PDE11A: variants seen among roughly 807,000 people sequenced by gnomAD.
PDE11A encodes the protein phosphodiesterase 11A.
PDE11A carries 100 observed loss-of-function variants against 100.5 expected under a neutral mutation model. The ratio of observed to expected loss-of-function variants is 1.00; its 90% confidence interval spans 0.85 to 1.18. The LOEUF (loss-of-function observed/expected upper bound fraction) is 1.18, where lower values mean the gene tolerates loss of function less well. PDE11A is among the 50% of genes most tolerant of loss of function. PDE11A has a pLI of 0.00. For missense variants in PDE11A, 1,141 were observed against 1,152.6 expected (o/e 0.99, Z 0.15); for synonymous variants, 381 against 420.8 (o/e 0.91, Z 1.16).
intron 9 of PDE11A, among the ~76,000 whole-genome samples, chr2:177,788,701 G>A (rs1214899338): frequency 3.3e-5 from 5 of 152,082 alleles, no homozygotes; most frequent in Non-Finnish European, 7.4e-5. Flanking sequence ...AAATGATAAA[G>A]GGGATATCAC....
chr2:177,857,768 C>T (rs1180167768), intron 5 of PDE11A, among the ~76,000 whole-genome samples: 6 of 151,880 alleles, frequency 4.0e-5, no homozygotes, highest in Admixed American at 3.9e-4. Context: ...TAACATGATC[C>T]AATTTTACAC....
At chr2:177,675,388 A>G in intron 17 of PDE11A, 67 bp downstream of exon 17, 1 of 1,098,772 alleles carries the variant, frequency 9.1e-7, no homozygotes, top group Non-Finnish European at 1.4e-6. Context: ...GGGCTCTGGG[A>G]ATATTGTGTC....
At chr2:178,057,592 T>C in intron 1 of PDE11A, among the ~76,000 whole-genome samples, 1 of 152,206 alleles carries the variant, frequency 6.6e-6, no homozygotes, top group Admixed American at 6.5e-5. Flanking sequence ...ATACATTTTC[T>C]TTGCTCCAAC....
At chr2:177,721,038 T>G (rs755651694) in intron 12 of PDE11A, among the ~76,000 whole-genome samples, 1 of 152,168 alleles carries the variant, frequency 6.6e-6, no homozygotes, top group Admixed American at 6.6e-5. Context: ...TGCATACATT[T>G]AAAAATTGGA....
chr2:177,754,879 G>A (rs1335259083), intron 10 of PDE11A, among the ~76,000 whole-genome samples: 1 of 152,172 alleles, frequency 6.6e-6, no homozygotes, highest in East Asian at 1.9e-4. Context: ...TTCTAATGAG[G>A]CCAGGAAGTA....
chr2:177,992,999 T>A (rs767267584), intron 2 of PDE11A, among the ~76,000 whole-genome samples: 30 of 152,176 alleles, frequency 2.0e-4, no homozygotes, highest in Non-Finnish European at 3.8e-4. Context: ...CACTCCACTA[T>A]CTGTGAGAAG....
intron 12 of PDE11A, among the ~76,000 whole-genome samples, chr2:177,722,776 G>C (rs2081549177): frequency 6.6e-6 from 1 of 152,100 alleles, no homozygotes; most frequent in Non-Finnish European, 1.5e-5. Context: ...GAAGATTAAA[G>C]AGTTGGTTAT....
At chr2:177,698,347 T>C (rs1227105915) in intron 14 of PDE11A, 1 of 66,674 alleles carries the variant, frequency 1.5e-5, no homozygotes, top group Non-Finnish European at 5.2e-5. Flanking sequence ...ATATTTGTCT[T>C]TAGTAAAGTG....
intron 2 of PDE11A, among the ~76,000 whole-genome samples, chr2:178,009,163 G>A (rs111951930): frequency 6.6e-4 from 100 of 152,152 alleles, no homozygotes; most frequent in African/African-American, 2.1e-3. Flanking sequence ...TGCTCCTATC[G>A]AGGTCTCATT....
At chr2:178,075,551 C>G (rs1214039802), upstream of PDE11A, among the ~76,000 whole-genome samples, 3 of 47,854 alleles carry the variant, frequency 6.3e-5, no homozygotes, top group Admixed American at 7.0e-4. Flanking sequence ...GACTCTGTCT[C>G]AAAAAAAAAA....
At chr2:177,727,628 T>C (rs1430890817) in intron 12 of PDE11A, 30 bp downstream of exon 12, 2 of 1,240,536 alleles carry the variant, frequency 1.6e-6, no homozygotes, top group Non-Finnish European at 2.4e-6. Flanking sequence ...GAATGAGAAA[T>C]GATCTTCCAC....
At chr2:177,957,892 C>T (rs2105787398) in intron 2 of PDE11A, among the ~76,000 whole-genome samples, 1 of 128,098 alleles carries the variant, frequency 7.8e-6, no homozygotes, top group South Asian at 2.5e-4. Context: ...CTATCCTTTA[C>T]CTTTGTTTTT....
At chr2:178,102,573 C>T (rs1408627261) in intron 2 of PDE11A, among the ~76,000 whole-genome samples, 1 of 151,324 alleles carries the variant, frequency 6.6e-6, no homozygotes, top group Non-Finnish European at 1.5e-5. Context: ...CATGCCCAGC[C>T]ATCAGCTAAT....
At chr2:177,934,330 A>G (rs1195211129) in intron 2 of PDE11A, among the ~76,000 whole-genome samples, 2 of 152,178 alleles carry the variant, frequency 1.3e-5, no homozygotes, top group African/African-American at 4.8e-5. Context: ...CAAAAGACAC[A>G]AACAGACACT....
At chr2:177,705,755 G>C (rs1333308051) in intron 13 of PDE11A, among the ~76,000 whole-genome samples, 2 of 152,234 alleles carry the variant, frequency 1.3e-5, no homozygotes, top group African/African-American at 4.8e-5. Context: ...TTGGGAGATG[G>C]TGAGGAATGG....
chr2:177,996,872 T>C (rs2086082334), intron 2 of PDE11A, among the ~76,000 whole-genome samples: 1 of 152,230 alleles, frequency 6.6e-6, no homozygotes, highest in South Asian at 2.1e-4. Flanking sequence ...TGAATTTCAC[T>C]ACATTTTAGA....
At chr2:177,894,017 T>C (rs2084571798) in intron 4 of PDE11A, among the ~76,000 whole-genome samples, 1 of 152,186 alleles carries the variant, frequency 6.6e-6, no homozygotes, top group South Asian at 2.1e-4. Context: ...TCTAACTCTT[T>C]GGCAGATGAC....
At chr2:178,043,495 C>A (rs1161376239) in intron 1 of PDE11A, among the ~76,000 whole-genome samples, 1 of 152,152 alleles carries the variant, frequency 6.6e-6, no homozygotes, top group African/African-American at 2.4e-5. Flanking sequence ...AGCCAGTAGA[C>A]AAGCGGAGAC....
At chr2:177,756,992 C>A (rs10497487) in intron 10 of PDE11A, among the ~76,000 whole-genome samples, 2,386 of 152,304 alleles carry the variant, frequency 0.016, 63 homozygotes, top group African/African-American at 0.054. Context: ...CGAGAAGAAT[C>A]TCAAACAAAA....
Sources: allele counts gnomAD v4.1 joint callset (sites outside exome capture counted in the v4.1 genomes callset), GRCh38; gene constraint gnomAD v4.1.1; transcripts MANE v1.5; gene names NCBI Gene and HGNC (gene_info 2026-07-23, HGNC 2026-07-21).